GREB1: variants seen among roughly 807,000 people sequenced by gnomAD.
GREB1 encodes growth regulating estrogen receptor binding 1, also known as protein GREB1.
In GREB1, 106 loss-of-function variants were observed where a neutral mutation model predicts 200.7. That is an observed-to-expected ratio of 0.53 (90% CI 0.45 to 0.62). The LOEUF is 0.62. GREB1 is among the 20% of genes least tolerant of loss of function. GREB1 has a pLI of 0.00. For missense variants in GREB1, 2,243 were observed against 2,556.8 expected, an observed-to-expected ratio of 0.88 and a Z score of 2.65; for synonymous variants, 1,132 against 1,092.4, an observed-to-expected ratio of 1.04 and a Z score of -0.72.
At chr2:11,593,316 T>G (rs1053950453) in intron 11 of GREB1, among the ~76,000 whole-genome samples, 190 bp downstream of exon 11, 2 of 152,226 alleles carry the variant, frequency 1.3e-5, no homozygotes, top group African/African-American at 2.4e-5. Flanking sequence ...ATCTCATCCC[T>G]GCTCTGAGTG....
chr2:11,590,851 G>A (rs1216904981), intron 10 of GREB1, among the ~76,000 whole-genome samples: 6 of 152,274 alleles, frequency 3.9e-5, no homozygotes, highest in South Asian at 2.1e-4. Flanking sequence ...GTGAAAAAAA[G>A]CATTCCCAAG....
intron 28 of GREB1, 71 bp from the exon 29 acceptor site, chr2:11,634,060 C>G (rs762999350): frequency 1.4e-6 from 2 of 1,420,982 alleles, no homozygotes; most frequent in Non-Finnish European, 2.0e-6. Context: ...CGGTGCCACA[C>G]TGCCTGGTCC....
chr2:11,592,187 C>CTTT lies in GREB1; in HGVS notation c.1346-575_1346-573dup, dbSNP rs60260708. The CTTT allele has an allele frequency of 4.5e-4, 140 of 312,170 alleles. 1 individual carries two copies. Among genetic ancestry groups the CTTT allele is most frequent in the African/African-American group, 3.2e-3 (110 of 34,596 alleles). 19.3% of individuals were successfully genotyped at this position (312,170 alleles called of 1,614,324 possible). On this transcript the variant is annotated intron_variant, in intron 10 of 32. Coordinates refer to ENST00000381486, the MANE Select transcript of GREB1 (RefSeq NM_014668.4). ...AATTTGGCTTCCTACTTTTTTTTTTCTTTTTTTTTTTTTTTTAACAACAGC... is the reference window on the plus strand; with the variant it reads ...AATTTGGCTTCCTACTTTTTTTTTTCTTTTTTTTTTTTTTTTTTTAACAACAGC...
intron 24 of GREB1, among the ~76,000 whole-genome samples, chr2:11,625,960 AG>A (rs1368220700): frequency 6.6e-6 from 1 of 152,148 alleles, no homozygotes; most frequent in Non-Finnish European, 1.5e-5. Flanking sequence ...AGAGAGTGAG[AG>A]CCCAGCAAAA....
intron 1 of GREB1, among the ~76,000 whole-genome samples, chr2:11,555,117 A>G (rs1676306364): frequency 6.6e-6 from 1 of 152,254 alleles, no homozygotes; most frequent in African/African-American, 2.4e-5. Context: ...TGAAGATGAA[A>G]ACTAAAGATG....
Position 11,640,391 on chromosome 2 carries a change from G to C in GREB1, c.5787G>C (p.Glu1929Asp), listed in dbSNP as rs1685731791. ...EDEWQFRLRD[E>D]FQTANAREDR... Reference sequence around the variant, plus strand: ...AGTGGCAGTTCCGGCTGCGCGATGAGTTCCAGACCGCCAATGCCAGGGAAG... The same window carrying C: ...AGTGGCAGTTCCGGCTGCGCGATGACTTCCAGACCGCCAATGCCAGGGAAG... Residue 1929 changes from glutamate to aspartate, a missense_variant, in exon 33 of 33, where the codon GAG becomes GAC. Around this residue, in one of 3 missense-constraint regions of GREB1, gnomAD observed 478 missense variants for 616.3 expected, o/e 0.78. Transcript: ENST00000381486. The surrounding 1 kb of genome is among the most constrained non-coding windows in gnomAD (Gnocchi z 4.6). 1 of 1,614,118 alleles carries C rather than the reference G, an allele frequency of 6.2e-7. No homozygotes were observed. The highest frequency in any genetic ancestry group is 8.5e-7 in the Non-Finnish European group (1 of 1,180,050).
chr2:11,638,688 G>A lies in GREB1; in HGVS notation c.5565G>A (p.Val1855=). The A allele has an allele frequency of 6.2e-7, 1 of 1,613,094 alleles. No homozygotes were observed. The highest frequency in any genetic ancestry group is 8.5e-7 in the Non-Finnish European group (1 of 1,179,784). Residue 1855 remains valine, a synonymous_variant, in exon 32 of 33, where the codon GTG becomes GTA. Transcript: ENST00000381486. ...NLGSQISVCY[V]SSRPHSLNIS... ...TTTTTCAGATTTCTGTTTGCTATGT[G>A]AGCTCCAGGCCCCACTCTTTAAACA...
At chr2:11,635,238 A>G (rs767562343) in intron 29 of GREB1, 32 bp from the exon 30 acceptor site, 1 of 1,613,550 alleles carries the variant, frequency 6.2e-7, no homozygotes. Context: ...GCTGTGCCCC[A>G]TCAGACCCAC....
rs181441545 is a variant in GREB1, at chr2:11,602,574, G to A, written c.2666+32G>A. 5.7e-5 allele frequency: 92 copies of A among 1,600,326 alleles called. No individual in the cohort carries two copies. In the East Asian group the frequency reaches 1.2e-3, roughly 21 times the overall value. On this transcript the variant is annotated intron_variant, in intron 17 of 32. Transcript: ENST00000381486. Reference sequence around the variant, plus strand: ...GTTTCTCTTCTAAGTTACTAGAAGTGCTCAGTAGCTTAAAGGGCAAGTTGA... The same window carrying A: ...GTTTCTCTTCTAAGTTACTAGAAGTACTCAGTAGCTTAAAGGGCAAGTTGA...
chr2:11,572,686 C>T (rs1678435743), intron 4 of GREB1, among the ~76,000 whole-genome samples: 1 of 151,690 alleles, frequency 6.6e-6, no homozygotes, highest in African/African-American at 2.4e-5. Flanking sequence ...CTTCCTAATA[C>T]ACTTAGTCCA....
At chr2:11,511,925 TACC>T (rs1376610113) in intron 1 of GREB1, among the ~76,000 whole-genome samples, 2 of 152,142 alleles carry the variant, frequency 1.3e-5, no homozygotes, top group African/African-American at 2.4e-5. Flanking sequence ...TGACTGTTAT[TACC>T]ACCCACCGCC....
At position 11,587,741 on chromosome 2, in the gene GREB1, A is replaced by ACGCGCG. The variant is rs1553366381; in HGVS notation, c.1160-1002_1160-1001insGCGCGC. On this transcript the variant is annotated intron_variant, in intron 9 of 32. Transcript: ENST00000381486. ...CACACACACACACACACACACACAC[A>ACGCGCG]CGCCACCTTTGGGAGCTCAGCAGCC... The ACGCGCG allele has an allele frequency of 1.7e-3, 1,360 of 788,236 alleles. 118 individuals are homozygous for ACGCGCG. In the East Asian group the frequency reaches 0.02, roughly 11 times the overall value. 48.8% of individuals were successfully genotyped at this position (788,236 alleles called of 1,614,324 possible).
intron 1 of GREB1, among the ~76,000 whole-genome samples, chr2:11,552,105 G>A (rs750342361): frequency 6.6e-6 from 1 of 152,214 alleles, no homozygotes; most frequent in African/African-American, 2.4e-5. Context: ...CTTTGCGTGG[G>A]GTTGCGCATG....
At chr2:11,622,327 C>T (rs758160154) in intron 23 of GREB1, among the ~76,000 whole-genome samples, 40 of 152,320 alleles carry the variant, frequency 2.6e-4, no homozygotes, top group Middle Eastern at 3.4e-3. Context: ...GTGACCCACA[C>T]GCTTCAGCCT....
chr2:11,627,076 A>T lies in GREB1; in HGVS notation c.4421A>T (p.Gln1474Leu). 1 of 1,605,516 alleles carries T rather than the reference A, an allele frequency of 6.2e-7. No individual in the cohort carries two copies. The highest frequency in any genetic ancestry group is 8.5e-7 in the Non-Finnish European group (1 of 1,174,580). ...NTYHHCEQCH[Q>L]YMGFHPRYQL... is the part of the protein sequence containing the mutation. ...TACCACCACTGTGAGCAGTGCCACC[A>T]GTACATGGGCTTCCACCCCCGCTAC... The change falls in exon 25 of 33, where the codon CAG becomes CTG. Residue 1474 changes from glutamine (Q) to leucine (L), a missense_variant. Physicochemically the swap from Gln to Leu is moderately radical, Grantham distance 113. Around this residue, in one of 3 missense-constraint regions of GREB1, gnomAD observed 587 missense variants for 553.1 expected, o/e 1.06. Coordinates refer to ENST00000381486, the MANE Select transcript of GREB1 (RefSeq NM_014668.4).
rs1340261145 is a variant in GREB1 at position 11,492,720 on chromosome 2, C to G, written c.-159+10339C>G. Among the ~76,000 whole-genome samples the G allele has an allele frequency of 6.6e-6, 1 of 152,204 alleles. No homozygotes were observed. The highest frequency in any genetic ancestry group is 2.4e-5 in the African/African-American group (1 of 41,438). On this transcript the variant is annotated intron_variant, in intron 1 of 2. Transcript: ENST00000628795. The surrounding 1 kb of genome is among the most constrained non-coding windows in gnomAD (Gnocchi z 4.0). Reference sequence around the variant, plus strand: ...AACAGTCTTTCATCTGGACTGTGCCCTAGGGCAGCCCCCTTGAGACTCACA... The same window carrying G: ...AACAGTCTTTCATCTGGACTGTGCCGTAGGGCAGCCCCCTTGAGACTCACA...
Position 11,618,477 on chromosome 2 carries a change from A to G in GREB1, c.3602A>G (p.Asp1201Gly). The change falls in exon 22 of 33, where the codon GAC (aspartate) becomes GGC (glycine). Residue 1201 changes from aspartate to glycine, a missense_variant. Transcript: ENST00000381486. ...RHSPGPTPQP[D>G]CSLRTGQRSV... ...AGTCCCGGGCCGACGCCCCAGCCCG[A>G]CTGTAGCCTCAGGACCGGCCAGAGG... 6.2e-7 allele frequency: 1 copy of G among 1,608,714 alleles called. No homozygotes were observed. The highest frequency in any genetic ancestry group is 8.5e-7 in the Non-Finnish European group (1 of 1,178,326).
At chr2:11,504,350 C>T (rs1027446299) in intron 1 of GREB1, among the ~76,000 whole-genome samples, 1 of 152,128 alleles carries the variant, frequency 6.6e-6, no homozygotes, top group African/African-American at 2.4e-5. Context: ...AAACTGAAAC[C>T]ATGAAAAGTG....
At position 11,562,491 on chromosome 2, in the gene GREB1, G is replaced by A. The variant is rs567806156; in HGVS notation, c.186G>A (p.Glu62=). 11 of 1,610,996 alleles carry A rather than the reference G, an allele frequency of 6.8e-6. No homozygotes were observed. The Admixed American group carries it at 1.0e-4, about 15-fold the overall frequency. ...EGGSRVDNEE[E]EEEGEGGLET... ...GTAGCCGAGTGGACAATGAGGAAGA[G>A]GAAGAAGAGGGAGAAGGAGGGCTGG... The change falls in exon 3 of 33, where the codon GAG becomes GAA. Residue 62 remains glutamate, a synonymous_variant. Coordinates refer to ENST00000381486, the MANE Select transcript of GREB1 (RefSeq NM_014668.4).
Sources: gnomAD v4.1 joint callset for allele counts (sites outside exome capture counted in the v4.1 genomes callset) on GRCh38, gnomAD v4.1.1 for gene constraint, gnomAD v4.1.1 regional missense constraint, Gnocchi (gnomAD v3.1) non-coding constraint, MANE v1.5 for transcripts, NCBI Gene and HGNC (gene_info 2026-07-23, HGNC 2026-07-21) for gene names.